PALM: variants seen among roughly 807,000 people sequenced by gnomAD.
PALM encodes paralemmin, also known as paralemmin-1.
A neutral mutation model predicts 30.7 loss-of-function variants in PALM; 18 were observed. The ratio of observed to expected loss-of-function variants is 0.59; its 90% CI spans 0.41 to 0.87. The LOEUF is 0.87. Among genes scored for constraint, PALM ranks in the 40% least tolerant of loss-of-function variants. The pLI is 0.00. For synonymous variants in PALM, 286 were observed against 242.8 expected, an observed-to-expected ratio of 1.18 and a Z score of -1.66; for missense variants, 529 against 555.4, an observed-to-expected ratio of 0.95 and a Z score of 0.48.
chr19:746,819 G>A lies in PALM; in HGVS notation c.*5G>A. Reference sequence around the variant, plus strand: ...AAATGCTGCTCCATCATGTGAGCCGGCCCCCGAGACCCCGGCCCCCACCCC... The same window carrying A: ...AAATGCTGCTCCATCATGTGAGCCGACCCCCGAGACCCCGGCCCCCACCCC... On this transcript the variant is annotated 3_prime_UTR_variant, in exon 9 of 9. Transcript: ENST00000338448. This position sits in a 1 kb window ranked among gnomAD's most constrained non-coding sequence, Gnocchi z 7.1. 3 of 1,506,762 alleles carry A rather than the reference G, an allele frequency of 2.0e-6. No homozygotes were observed. The highest frequency in any genetic ancestry group is 2.7e-6 in the Non-Finnish European group (3 of 1,129,062). The allele number at this position is 1,506,762 out of a possible 1,614,324, so 93.3% of individuals were successfully genotyped here. A position where few individuals can be genotyped will look rare whatever the true frequency, so the allele number is the denominator to read the frequency against.
intron 4 of PALM, 53 bp downstream of exon 4, chr19:727,747 T>C: frequency 1.4e-6 from 2 of 1,471,786 alleles, no homozygotes; most frequent in Non-Finnish European, 1.8e-6. Context: ...CGGGGGCCGC[T>C]GGCTCCCGGG....
intron 6 of PALM, 135 bp downstream of exon 6, chr19:734,329 G>T (rs1385346008): frequency 1.0e-5 from 8 of 787,270 alleles, no homozygotes; most frequent in Non-Finnish European, 1.7e-5. Context: ...GGAGGCCGAG[G>T]CGGGTAGATC....
intron 1 of PALM, among the ~76,000 whole-genome samples, chr19:721,070 A>T (rs920386945): frequency 6.6e-6 from 1 of 152,056 alleles, no homozygotes; most frequent in African/African-American, 2.4e-5. Flanking sequence ...GCTTCCAGCC[A>T]TGGGAAGAAG....
intron 8 of PALM, among the ~76,000 whole-genome samples, chr19:745,345 G>A (rs576839032): frequency 8.9e-4 from 135 of 152,264 alleles, no homozygotes; most frequent in African/African-American, 3.0e-3. Context: ...TCTTTACAGC[G>A]GAAATGAATC....
chr19:734,061 C>G, intron 5 of PALM, 112 bp from the exon 6 acceptor site: 2 of 862,460 alleles, frequency 2.3e-6, no homozygotes, highest in Non-Finnish European at 3.9e-6. Context: ...GAAGCGGGTG[C>G]GTATGACGTC....
chr19:710,974 G>A (rs1047771890), intron 1 of PALM, among the ~76,000 whole-genome samples: 3 of 152,234 alleles, frequency 2.0e-5, no homozygotes, highest in Non-Finnish European at 4.4e-5. Context: ...GGCCCCGTCC[G>A]CTAGAACGTG....
chr19:724,618 G>A (rs1247860455), intron 1 of PALM, among the ~76,000 whole-genome samples: 2 of 147,658 alleles, frequency 1.4e-5, no homozygotes, highest in Admixed American at 6.8e-5. Flanking sequence ...ACTGCGCCCG[G>A]CCATTCATTC....
In PALM at chr19:746,268, T is replaced by G. The variant is rs751513876; in HGVS notation, c.635-17T>G. The G allele has an allele frequency of 6.2e-7, 1 of 1,604,972 alleles. No individual in the cohort carries two copies. The highest frequency in any genetic ancestry group is 2.2e-5 in the East Asian group (1 of 44,828). ...CTGCCTGGAGCTGGGTCATTCTCTC[T>G]GTCTCTCCTTGTACAGTGGTCCATG... On this transcript the variant is annotated splice_polypyrimidine_tract_variant and intron_variant, in intron 8 of 8. Coordinates refer to ENST00000338448, the MANE Select transcript of PALM (RefSeq NM_002579.3). The surrounding 1 kb of genome is among the most constrained non-coding windows in gnomAD (Gnocchi z 7.1).
At chr19:718,956 G>A in intron 1 of PALM, 1 of 178,334 alleles carries the variant, frequency 5.6e-6, no homozygotes. Context: ...GGACTGGGAA[G>A]CAGCTGGGGT....
intron 6 of PALM, chr19:734,493 C>A: frequency 2.4e-6 from 1 of 424,002 alleles, no homozygotes; most frequent in Non-Finnish European, 4.3e-6. Flanking sequence ...CGCTTGAGCC[C>A]AGGAGTTCAA....
rs951132483 is a variant in PALM at position 719,418 on chromosome 19, C to A, written c.6-6720C>A. Reference sequence around the variant, plus strand: ...GCCGGGCCCCGAGCCGCCCACACCGCCACACGCCGTAAAAAGCATCGCGGG... The same window carrying A: ...GCCGGGCCCCGAGCCGCCCACACCGACACACGCCGTAAAAAGCATCGCGGG... On this transcript the variant is annotated intron_variant, in intron 1 of 8. Coordinates refer to ENST00000338448, the MANE Select transcript of PALM (RefSeq NM_002579.3). The A allele has an allele frequency of 3.7e-5, 36 of 985,276 alleles. No individual in the cohort carries two copies. The East Asian group carries it at 4.5e-4, about 12-fold the overall frequency. 61.0% of individuals were successfully genotyped at this position (985,276 alleles called of 1,614,324 possible).
chr19:733,781 G>A (rs1328106530), intron 5 of PALM, among the ~76,000 whole-genome samples: 2 of 152,174 alleles, frequency 1.3e-5, no homozygotes, highest in East Asian at 1.9e-4. Context: ...GAGGTCAGGG[G>A]ATCGAAACCA....
At chr19:729,143 A>T (rs2032786381) in intron 4 of PALM, among the ~76,000 whole-genome samples, 1 of 151,154 alleles carries the variant, frequency 6.6e-6, no homozygotes, top group Admixed American at 6.6e-5. Flanking sequence ...CCTGGCCAAG[A>T]TGGCGAAACC....
rs1205927172 is a variant in PALM, at chr19:715,137, G to A, written c.5+5986G>A. On this transcript the variant is annotated intron_variant, in intron 1 of 8. Coordinates refer to ENST00000338448, the MANE Select transcript of PALM (RefSeq NM_002579.3). ...AAATTAGCCGGGCGGGCGTGGTGGC[G>A]GGTGCCTATAATCCCAGCTACTCGG... is the stretch of plus-strand genomic sequence containing the variant. Among the ~76,000 whole-genome samples, 12 of 152,232 alleles carry A rather than the reference G, an allele frequency of 7.9e-5. No individual in the cohort carries two copies. The South Asian group carries it at 2.1e-3, about 26-fold the overall frequency.
At position 727,853 on chromosome 19, in the gene PALM, G is replaced by A. The variant is rs138618344; in HGVS notation, c.269+159G>A. 4.8e-5 allele frequency: 33 copies of A among 694,314 alleles called. 1 individual carries two copies. Among genetic ancestry groups the A allele is most frequent in the South Asian group, 4.6e-4 (24 of 52,234 alleles). The allele number at this position is 694,314 out of a possible 1,614,324, so 43.0% of individuals were successfully genotyped here. On this transcript the variant is annotated intron_variant, in intron 4 of 8. Coordinates refer to ENST00000338448, the MANE Select transcript of PALM (RefSeq NM_002579.3). Reference sequence around the variant, plus strand: ...ACATGCTTTGAGGGGGACGCAGGACGGGACAGATCAGGTTGGGGCATCCAC... The same window carrying A: ...ACATGCTTTGAGGGGGACGCAGGACAGGACAGATCAGGTTGGGGCATCCAC...
chr19:717,277 A>C, intron 1 of PALM, among the ~76,000 whole-genome samples: 1 of 151,772 alleles, frequency 6.6e-6, no homozygotes, highest in Non-Finnish European at 1.5e-5. Context: ...TCACCCCCAA[A>C]ACAAGCCCTG....
chr19:744,251 T>A (rs1168565726), intron 8 of PALM, among the ~76,000 whole-genome samples: 2 of 151,200 alleles, frequency 1.3e-5, no homozygotes, highest in Non-Finnish European at 3.0e-5. Flanking sequence ...ATACAAAAAA[T>A]TAGCCAGGTG....
At chr19:714,355 T>G (rs1213755097) in intron 1 of PALM, among the ~76,000 whole-genome samples, 1 of 141,202 alleles carries the variant, frequency 7.1e-6, no homozygotes, top group Non-Finnish European at 1.5e-5. Flanking sequence ...TCTTTTTTTC[T>G]TTCTTTTTTT....
chr19:735,483 G>T (rs866070889), intron 6 of PALM, among the ~76,000 whole-genome samples: 16 of 65,008 alleles, frequency 2.5e-4, no homozygotes, highest in South Asian at 6.9e-4. Context: ...GGGCCCAGGT[G>T]CCTGTGTCCG....
Sources: allele counts gnomAD v4.1 joint callset (sites outside exome capture counted in the v4.1 genomes callset), GRCh38; gene constraint gnomAD v4.1.1; non-coding constraint Gnocchi (gnomAD v3.1); transcripts MANE v1.5; gene names NCBI Gene and HGNC (gene_info 2026-07-23, HGNC 2026-07-21).